EPSTI1: variants seen among roughly 807,000 people sequenced by gnomAD.
EPSTI1 encodes epithelial-stromal interaction protein 1.
A neutral mutation model predicts 49.9 loss-of-function variants in EPSTI1; 66 were observed. That is an observed-to-expected ratio of 1.32 (90% CI 1.08 to 1.62). EPSTI1 has a LOEUF of 1.62. EPSTI1 is among the 40% of genes most tolerant of loss of function. The pLI is 0.00. For synonymous variants in EPSTI1, 137 were observed against 130.7 expected, an observed-to-expected ratio of 1.05 and a Z score of -0.33; for missense variants, 394 against 365.5, an observed-to-expected ratio of 1.08 and a Z score of -0.64.
rs978574509 is a variant in EPSTI1 at position 42,922,286 on chromosome 13, T to G, written c.657+4050A>C. Among the ~76,000 whole-genome samples the G allele has an allele frequency of 4.6e-5, 7 of 152,096 alleles. No individual in the cohort carries two copies. The highest frequency in any genetic ancestry group is 1.0e-4 in the Non-Finnish European group (7 of 67,918). On this transcript the variant is annotated intron_variant, in intron 7 of 10. Transcript: ENST00000313624. The surrounding 1 kb of genome is among the most constrained non-coding windows in gnomAD (Gnocchi z 4.8). ...CCAATCCCTGGAATCTGTGAATGTTTCTTTATGTGACAAAAGGGACTTTGC... is the reference window on the plus strand; with the variant it reads ...CCAATCCCTGGAATCTGTGAATGTTGCTTTATGTGACAAAAGGGACTTTGC...
chr13:42,888,649 T>C (rs1010490317), intron 10 of EPSTI1, 147 bp from the exon 11 acceptor site: 1 of 783,444 alleles, frequency 1.3e-6, no homozygotes, highest in Non-Finnish European at 2.0e-6. Flanking sequence ...AAATGACCAT[T>C]GAAACGATTT....
At chr13:42,983,022 GAC>G (rs572487377) in intron 1 of EPSTI1, among the ~76,000 whole-genome samples, 1 of 152,130 alleles carries the variant, frequency 6.6e-6, no homozygotes, top group Non-Finnish European at 1.5e-5. Flanking sequence ...AGCATAAAAA[GAC>G]ACAGTTTTCC....
rs747533885 is a variant in EPSTI1, at chr13:42,887,401, C to G, written c.*1093G>C. The G allele has an allele frequency of 6.6e-6, 1 of 152,138 alleles. No individual in the cohort carries two copies. The highest frequency in any genetic ancestry group is 2.4e-5 in the African/African-American group (1 of 41,414). 9.4% of individuals were successfully genotyped at this position (152,138 alleles called of 1,614,324 possible). A position where few individuals can be genotyped will look rare whatever the true frequency, so the allele number is the denominator to read the frequency against. ...CCATGTTTTCCTGAATAAAGAGATT[C>G]GGAAAGTTCATTTCAACAGAGTGAC... On this transcript the variant is annotated 3_prime_UTR_variant, in exon 11 of 11. Transcript: ENST00000313624.
At chr13:42,915,531 C>CA (rs1566112999) in intron 8 of EPSTI1, among the ~76,000 whole-genome samples, 2 of 151,714 alleles carry the variant, frequency 1.3e-5, no homozygotes, top group Admixed American at 6.6e-5. Flanking sequence ...GACCTGGTCT[C>CA]AAAAAAAGAG....
At chr13:42,972,216 C>T (rs890650209) in intron 1 of EPSTI1, among the ~76,000 whole-genome samples, 1 of 152,148 alleles carries the variant, frequency 6.6e-6, no homozygotes, top group African/African-American at 2.4e-5. Flanking sequence ...CTCTATACCA[C>T]AAATTTGACT....
chr13:42,898,023 C>T (rs1237477489), intron 9 of EPSTI1, among the ~76,000 whole-genome samples: 1 of 152,144 alleles, frequency 6.6e-6, no homozygotes, highest in Non-Finnish European at 1.5e-5. Context: ...CCTTTCAAGT[C>T]CTTGACCCCC....
rs9594847 is a variant in EPSTI1 at position 42,990,268 on chromosome 13, C to T, written c.188+1710G>A. ...TTCATTTGAAAATCTTTTCAGGAAT[C>T]GCAAAATAGTGTACAGTGAGCTCTT... On this transcript the variant is annotated intron_variant, in intron 1 of 10. Coordinates refer to ENST00000313624, the MANE Select transcript of EPSTI1 (RefSeq NM_033255.5). 8.7e-3 allele frequency among the ~76,000 whole-genome samples: 1,314 copies of T among 151,280 alleles called. 6 individuals are homozygous for T. The highest frequency in any genetic ancestry group is 0.014 in the Middle Eastern group (4 of 288).
intron 7 of EPSTI1, among the ~76,000 whole-genome samples, chr13:42,924,477 G>A (rs2038111926): frequency 1.3e-5 from 2 of 152,174 alleles, no homozygotes; most frequent in Non-Finnish European, 2.9e-5. Context: ...ACGCAGTTCT[G>A]CCAGGTGTTC....
intron 6 of EPSTI1, among the ~76,000 whole-genome samples, chr13:42,947,382 A>G (rs1594704194): frequency 6.6e-6 from 1 of 152,204 alleles, no homozygotes; most frequent in African/African-American, 2.4e-5. Context: ...TGGTTAAAAT[A>G]TGAAAATGTC....
chr13:42,910,741 AT>A (rs916880380), intron 8 of EPSTI1, among the ~76,000 whole-genome samples: 1 of 151,676 alleles, frequency 6.6e-6, no homozygotes, highest in South Asian at 2.1e-4. Flanking sequence ...AAAACAGGGA[AT>A]TTTTTTTTAG....
intron 7 of EPSTI1, among the ~76,000 whole-genome samples, chr13:42,918,425 A>C (rs907802341): frequency 6.6e-6 from 1 of 152,234 alleles, no homozygotes; most frequent in Non-Finnish European, 1.5e-5. Context: ...GGATCTCATA[A>C]AAAACTATCA....
intron 8 of EPSTI1, among the ~76,000 whole-genome samples, chr13:42,909,065 C>A (rs2037587778): frequency 6.6e-6 from 1 of 150,948 alleles, no homozygotes; most frequent in Non-Finnish European, 1.5e-5. Flanking sequence ...TGCACTCCAG[C>A]CTGGGCAACA....
At chr13:42,974,519 C>T (rs951149258) in intron 1 of EPSTI1, among the ~76,000 whole-genome samples, 21 of 151,568 alleles carry the variant, frequency 1.4e-4, no homozygotes, top group African/African-American at 5.1e-4. Flanking sequence ...ATTAGCCGGG[C>T]GTGGTGGTGG....
At chr13:42,981,623 T>C (rs2039988540) in intron 1 of EPSTI1, among the ~76,000 whole-genome samples, 1 of 152,236 alleles carries the variant, frequency 6.6e-6, no homozygotes, top group Non-Finnish European at 1.5e-5. Flanking sequence ...ATTTCTACCG[T>C]CCTGCACAAA....
In EPSTI1 at chr13:42,953,996, C is replaced by CT. The variant is rs1303733667; in HGVS notation, c.514dup (p.Arg172LysfsTer7). ...TTCTCTTCTAAGGTTTTCTTGAAGTCTTTTTTTCTCCTCCAGTTTATTGCT... is the reference window on the plus strand; with the variant it reads ...TTCTCTTCTAAGGTTTTCTTGAAGTCTTTTTTTTCTCCTCCAGTTTATTGCT... On this transcript the variant is annotated frameshift_variant, in exon 6 of 11. Transcript: ENST00000313624. LOFTEE classifies it high-confidence loss of function. The CT allele has an allele frequency of 1.9e-6, 3 of 1,612,430 alleles. No individual in the cohort carries two copies. The highest frequency in any genetic ancestry group is 1.3e-5 in the African/African-American group (1 of 74,866).
chr13:42,918,027 C>G (rs138153290), intron 7 of EPSTI1, among the ~76,000 whole-genome samples: 2 of 152,124 alleles, frequency 1.3e-5, no homozygotes, highest in Admixed American at 1.3e-4. Flanking sequence ...TTTAGAAGAA[C>G]GGGCATGTCT....
chr13:42,943,610 G>T (rs759035601), intron 6 of EPSTI1, among the ~76,000 whole-genome samples: 94 of 152,280 alleles, frequency 6.2e-4, no homozygotes, highest in Non-Finnish European at 7.1e-4. Context: ...GGAGAACATG[G>T]ATGGTACTAG....
chr13:42,968,484 T>A (rs926342781), intron 3 of EPSTI1, among the ~76,000 whole-genome samples: 1 of 152,144 alleles, frequency 6.6e-6, no homozygotes, highest in Non-Finnish European at 1.5e-5. Flanking sequence ...AAAGAAAAGA[T>A]GTGAATGATT....
intron 6 of EPSTI1, among the ~76,000 whole-genome samples, chr13:42,943,981 G>A (rs1017130578): frequency 6.6e-6 from 1 of 152,138 alleles, no homozygotes; most frequent in Non-Finnish European, 1.5e-5. Flanking sequence ...ACCATCTCAT[G>A]CCAGTTAGAA....
Sources: allele counts gnomAD v4.1 joint callset (sites outside exome capture counted in the v4.1 genomes callset), GRCh38; gene constraint gnomAD v4.1.1; non-coding constraint Gnocchi (gnomAD v3.1); transcripts MANE v1.5; gene names NCBI Gene and HGNC (gene_info 2026-07-23, HGNC 2026-07-21).